Variants in SUPT3H observed in about 807,000 individuals in gnomAD.
SUPT3H encodes transcription initiation protein SPT3 homolog.
Under a neutral mutation model 44.3 loss-of-function variants are expected in SUPT3H, and 44 were observed. That is an observed-to-expected ratio of 0.99 (90% confidence interval 0.78 to 1.28). The LOEUF (loss-of-function observed/expected upper bound fraction) is 1.28. Ranked by LOEUF, SUPT3H falls within the 50% of genes most tolerant of loss-of-function variation. The pLI is 0.00. For missense variants in SUPT3H, 380 were observed against 387.1 expected (o/e 0.98, Z 0.15); for synonymous variants, 124 against 125.6 (o/e 0.99, Z 0.09).
chr6:45,303,863 C>T lies in SUPT3H; in HGVS notation c.101+61338G>A, dbSNP rs183367713. On this transcript the variant is annotated intron_variant, in intron 2 of 10. Coordinates refer to ENST00000371459, the MANE Select transcript of SUPT3H (RefSeq NM_003599.4). ...CAAAAATTAGCTGGGCATAGTGGTG[C>T]GCGCCTGTAGTCCCAGCTACTCGGG... 4.1e-3 allele frequency among the ~76,000 whole-genome samples: 620 copies of T among 151,484 alleles called. 6 individuals carry two copies. Among genetic ancestry groups the T allele is most frequent in the African/African-American group, 0.015 (600 of 41,332 alleles).
rs142711014 is a variant in SUPT3H at position 44,912,796 on chromosome 6, T to C, written c.912+19857A>G. ...GTCTCTTTTTGTTCTCAGCTGTTGA[T>C]AGTTGATACAGAAGGAAATGAACAC... On this transcript the variant is annotated intron_variant, in intron 10 of 10. Coordinates refer to ENST00000371459, the MANE Select transcript of SUPT3H (RefSeq NM_003599.4). Among the ~76,000 whole-genome samples, 501 of 152,316 alleles carry C rather than the reference T, an allele frequency of 3.3e-3. 2 individuals are homozygous for C. The highest frequency in any genetic ancestry group is 5.5e-3 in the Non-Finnish European group (371 of 68,020).
intron 2 of SUPT3H, among the ~76,000 whole-genome samples, chr6:45,262,634 A>G (rs975955697): frequency 6.6e-6 from 1 of 152,196 alleles, no homozygotes; most frequent in Non-Finnish European, 1.5e-5. Context: ...AAGCAATTGC[A>G]ACAGAAACAA....
intron 11 of SUPT3H, among the ~76,000 whole-genome samples, chr6:44,817,164 T>C (rs1659651771): frequency 6.6e-6 from 1 of 151,148 alleles, no homozygotes; most frequent in South Asian, 2.1e-4. Flanking sequence ...CATGACCGAA[T>C]TGCATTTATC....
chr6:45,030,586 T>C (rs997566868), intron 3 of SUPT3H, among the ~76,000 whole-genome samples: 2 of 152,176 alleles, frequency 1.3e-5, no homozygotes, highest in Non-Finnish European at 2.9e-5. Context: ...ACAGGTCTTG[T>C]GCTAAGTCTT....
chr6:44,810,358 G>C (rs1475205086), intron 11 of SUPT3H, among the ~76,000 whole-genome samples: 1 of 152,176 alleles, frequency 6.6e-6, no homozygotes, highest in Non-Finnish European at 1.5e-5. Context: ...CAGAAATGAT[G>C]ACAGTAGTGG....
At chr6:44,866,291 G>T (rs1775497696) in intron 10 of SUPT3H, among the ~76,000 whole-genome samples, 1 of 151,656 alleles carries the variant, frequency 6.6e-6, no homozygotes, top group Non-Finnish European at 1.5e-5. Context: ...ATGTTTTATT[G>T]TTTAACTGGG....
chr6:45,204,277 G>GAAGAAGAAGAAT (rs1333773092), intron 2 of SUPT3H, among the ~76,000 whole-genome samples: 1 of 149,452 alleles, frequency 6.7e-6, no homozygotes, highest in African/African-American at 2.4e-5. Flanking sequence ...AGAAGAAGAA[G>GAAGAAGAAGAAT]AAGAACCACC....
chr6:45,049,001 T>C (rs1190707329), intron 3 of SUPT3H, among the ~76,000 whole-genome samples: 2 of 152,040 alleles, frequency 1.3e-5, no homozygotes, highest in Non-Finnish European at 2.9e-5. Flanking sequence ...TAATAACAAA[T>C]GTATTCTCGC....
At chr6:44,899,242 T>G (rs968420099) in intron 10 of SUPT3H, 6 of 152,258 alleles carry the variant, frequency 3.9e-5, no homozygotes, top group African/African-American at 1.4e-4. Flanking sequence ...ATGTGACTAT[T>G]CAAAGTAGAA....
At chr6:44,916,972 AAAACAAAC>A (rs111992171) in intron 10 of SUPT3H, among the ~76,000 whole-genome samples, 40 of 150,958 alleles carry the variant, frequency 2.6e-4, no homozygotes, top group South Asian at 1.0e-3. Context: ...GTCTCTACAA[AAAACAAAC>A]AAACAAACAA....
At chr6:45,154,847 A>G (rs1213663332) in intron 2 of SUPT3H, among the ~76,000 whole-genome samples, 1 of 152,140 alleles carries the variant, frequency 6.6e-6, no homozygotes, top group African/African-American at 2.4e-5. Flanking sequence ...CCTTTCCCCT[A>G]TTAATCTGCC....
At chr6:45,047,260 G>C (rs6458418) in intron 3 of SUPT3H, among the ~76,000 whole-genome samples, 2 of 151,884 alleles carry the variant, frequency 1.3e-5, no homozygotes, top group African/African-American at 4.8e-5. Flanking sequence ...GGTGAAAGGA[G>C]CATCCTTGCC....
At chr6:44,869,506 G>A (rs1776019823) in intron 10 of SUPT3H, among the ~76,000 whole-genome samples, 2 of 152,110 alleles carry the variant, frequency 1.3e-5, no homozygotes, top group South Asian at 4.1e-4. Flanking sequence ...ACGTATGTAG[G>A]TAATTACTCC....
At chr6:44,817,251 T>C (rs1766977979) in intron 11 of SUPT3H, among the ~76,000 whole-genome samples, 1 of 151,078 alleles carries the variant, frequency 6.6e-6, no homozygotes, top group Non-Finnish European at 1.5e-5. Flanking sequence ...AAAAAACTCA[T>C]TGTCTTCAAG....
intron 10 of SUPT3H, among the ~76,000 whole-genome samples, chr6:44,932,264 C>G (rs1244686880): frequency 1.3e-5 from 2 of 152,148 alleles, no homozygotes; most frequent in African/African-American, 4.8e-5. Flanking sequence ...CAACTAAAAG[C>G]ATGTTTAGGA....
At position 45,122,798 on chromosome 6, in the gene SUPT3H, T is replaced by C. The variant is rs61271896; in HGVS notation, c.102-16792A>G. Among the ~76,000 whole-genome samples the C allele has an allele frequency of 9.8e-3, 1,490 of 152,288 alleles. 33 individuals carry two copies. The highest frequency in any genetic ancestry group is 0.034 in the African/African-American group (1,404 of 41,558). ...TCTAAGTTTATATCATACTGAAAAC[T>C]GTGCTTGCAGACCCCATGAACAAGA... is the stretch of plus-strand genomic sequence containing the variant. On this transcript the variant is annotated intron_variant, in intron 2 of 10. Transcript: ENST00000371459.
chr6:45,281,178 C>T (rs148620205), intron 2 of SUPT3H, among the ~76,000 whole-genome samples: 240 of 152,288 alleles, frequency 1.6e-3, no homozygotes, highest in African/African-American at 5.4e-3. Context: ...ATGCAGAAGA[C>T]GGGTGATTTC....
chr6:45,041,779 GAT>G (rs1409316467), intron 3 of SUPT3H, among the ~76,000 whole-genome samples: 1 of 152,010 alleles, frequency 6.6e-6, no homozygotes, highest in African/African-American at 2.4e-5. Flanking sequence ...CTACCAATAG[GAT>G]ATTGTAAAGA....
intron 3 of SUPT3H, among the ~76,000 whole-genome samples, chr6:45,079,509 G>GA (rs1386574093): frequency 6.6e-6 from 1 of 151,054 alleles, no homozygotes; most frequent in East Asian, 1.9e-4. Flanking sequence ...AGGAAGGAAG[G>GA]AAAAAAACCT....
Sources: gnomAD v4.1 joint callset for allele counts (sites outside exome capture counted in the v4.1 genomes callset) on GRCh38, gnomAD v4.1.1 for gene constraint, MANE v1.5 for transcripts, NCBI Gene and HGNC (gene_info 2026-07-23, HGNC 2026-07-21) for gene names.